Variants in CDH13 observed in about 807,000 individuals in gnomAD.
CDH13 encodes cadherin 13, also known as cadherin-13.
In CDH13, 24 loss-of-function variants were observed where a neutral mutation model predicts 63.8. That is an observed-to-expected ratio of 0.38 (90% CI 0.27 to 0.53). The LOEUF is 0.53. CDH13 is among the 20% of genes least tolerant of loss of function. The pLI, the probability that CDH13 is intolerant of heterozygous loss-of-function variation, is 0.85. For synonymous variants in CDH13, 503 were observed against 355.3 expected (o/e 1.42, Z -4.67); for missense variants, 1,049 against 903.1 (o/e 1.16, Z -2.07).
chr16:83,796,882 A>C lies in CDH13; in HGVS notation c.*1852A>C, dbSNP rs1272179050. On this transcript the variant is annotated 3_prime_UTR_variant, in exon 14 of 14. Transcript: ENST00000567109. ...TTCTCAGTTGATGACCACATTAAGC[A>C]TAGTCATGGCCATCTGTCAACAGTC... 2.6e-5 allele frequency: 4 copies of C among 152,236 alleles called. No individual in the cohort carries two copies. Among genetic ancestry groups the C allele is most frequent in the Non-Finnish European group, 5.9e-5 (4 of 68,044 alleles). 9.4% of individuals were successfully genotyped at this position (152,236 alleles called of 1,614,324 possible).
At chr16:83,532,400 C>A (rs530046721) in intron 7 of CDH13, among the ~76,000 whole-genome samples, 2 of 152,284 alleles carry the variant, frequency 1.3e-5, no homozygotes, top group East Asian at 3.9e-4. Context: ...TAGTTTAATG[C>A]CCAGCACCTG....
At chr16:82,677,444 G>GA (rs1346038984) in intron 1 of CDH13, among the ~76,000 whole-genome samples, 1 of 75,362 alleles carries the variant, frequency 1.3e-5, no homozygotes, top group East Asian at 9.0e-4. Context: ...GGACTCTTCT[G>GA]CCTTTTTTTT....
At chr16:83,366,445 C>G (rs1027877368) in intron 6 of CDH13, among the ~76,000 whole-genome samples, 17 of 152,204 alleles carry the variant, frequency 1.1e-4, no homozygotes, top group African/African-American at 4.1e-4. Context: ...CCAGCCCACT[C>G]AGCTTTCAGA....
chr16:83,192,366 G>C (rs189667726), intron 4 of CDH13, among the ~76,000 whole-genome samples: 2 of 152,192 alleles, frequency 1.3e-5, no homozygotes, highest in African/African-American at 4.8e-5. Context: ...AGAATAAAGG[G>C]TCTTCTCCTG....
intron 7 of CDH13, among the ~76,000 whole-genome samples, chr16:83,542,983 G>A (rs2075321420): frequency 6.6e-6 from 1 of 152,218 alleles, no homozygotes; most frequent in South Asian, 2.1e-4. Flanking sequence ...ACAACAGCAA[G>A]TGATACTGAT....
At chr16:83,182,607 G>T (rs1416441260) in intron 4 of CDH13, among the ~76,000 whole-genome samples, 3 of 152,198 alleles carry the variant, frequency 2.0e-5, no homozygotes, top group African/African-American at 7.2e-5. Flanking sequence ...TGATCAAAAG[G>T]ATTGTGTTTA....
intron 1 of CDH13, among the ~76,000 whole-genome samples, chr16:82,649,231 C>T (rs774265603): frequency 5.3e-5 from 8 of 152,064 alleles, no homozygotes; most frequent in Non-Finnish European, 1.0e-4. Flanking sequence ...TCCAAGGTCA[C>T]ACAGGGTCCA....
intron 3 of CDH13, among the ~76,000 whole-genome samples, chr16:83,099,170 T>C (rs2034352311): frequency 6.6e-6 from 1 of 152,150 alleles, no homozygotes; most frequent in South Asian, 2.1e-4. Flanking sequence ...ATTTAATATG[T>C]TGCATATATT....
chr16:82,939,202 T>A (rs1359102311), intron 2 of CDH13, among the ~76,000 whole-genome samples: 1 of 152,120 alleles, frequency 6.6e-6, no homozygotes, highest in Non-Finnish European at 1.5e-5. Flanking sequence ...GGCAGATGGA[T>A]CACCTGAGCT....
intron 5 of CDH13, among the ~76,000 whole-genome samples, chr16:83,262,206 G>C (rs903790219): frequency 3.3e-5 from 5 of 152,172 alleles, no homozygotes; most frequent in Admixed American, 1.3e-4. Flanking sequence ...ACCTGGGCAT[G>C]AGGTTTAGCT....
chr16:83,360,515 T>C (rs555242598), intron 6 of CDH13, among the ~76,000 whole-genome samples: 117 of 152,224 alleles, frequency 7.7e-4, no homozygotes, highest in Non-Finnish European at 1.5e-3. Flanking sequence ...GCTTATTGTA[T>C]GGATATATTG....
At chr16:82,693,565 T>C (rs2029894521) in intron 1 of CDH13, among the ~76,000 whole-genome samples, 1 of 152,192 alleles carries the variant, frequency 6.6e-6, no homozygotes, top group African/African-American at 2.4e-5. Context: ...TTTTCCTACA[T>C]TAAACCCTGT....
rs74867982 is a variant in CDH13, at chr16:83,029,259, T to C, written c.158-2751T>C. Reference sequence around the variant, plus strand: ...AGATATTTATATGGCTTTCACAGTGTGCTAGGACCTATGTAGATGAGCTTA... The same window carrying C: ...AGATATTTATATGGCTTTCACAGTGCGCTAGGACCTATGTAGATGAGCTTA... On this transcript the variant is annotated intron_variant, in intron 2 of 13. Transcript: ENST00000567109. Among the ~76,000 whole-genome samples, 1,099 of 152,314 alleles carry C rather than the reference T, an allele frequency of 7.2e-3. 4 individuals are homozygous for C. The highest frequency in any genetic ancestry group is 0.012 in the Admixed American group (191 of 15,304).
chr16:83,561,320 G>A (rs1477200064), intron 7 of CDH13, among the ~76,000 whole-genome samples: 1 of 151,670 alleles, frequency 6.6e-6, no homozygotes, highest in African/African-American at 2.4e-5. Flanking sequence ...GTGACGCATG[G>A]GAGGCTGAGG....
chr16:82,686,038 A>AT (rs1567626174), intron 1 of CDH13, among the ~76,000 whole-genome samples: 2 of 152,030 alleles, frequency 1.3e-5, no homozygotes, highest in African/African-American at 2.4e-5. Flanking sequence ...GTGAATTACA[A>AT]TTTTTTCTCC....
intron 7 of CDH13, among the ~76,000 whole-genome samples, chr16:83,530,726 G>A (rs1465989763): frequency 2.0e-5 from 3 of 152,178 alleles, no homozygotes; most frequent in African/African-American, 7.2e-5. Flanking sequence ...TTCACAGAGG[G>A]ACAGTGACTT....
intron 3 of CDH13, among the ~76,000 whole-genome samples, chr16:83,088,596 G>A (rs983709951): frequency 6.6e-6 from 1 of 152,090 alleles, no homozygotes; most frequent in South Asian, 2.1e-4. Context: ...ATAAAGTAAA[G>A]GTGTTATTAC....
At chr16:82,924,072 T>C (rs1169051115) in intron 2 of CDH13, among the ~76,000 whole-genome samples, 2 of 152,224 alleles carry the variant, frequency 1.3e-5, no homozygotes, top group African/African-American at 4.8e-5. Flanking sequence ...TCAATCAAAG[T>C]TGATGGAGAT....
intron 13 of CDH13, among the ~76,000 whole-genome samples, chr16:83,791,279 C>T (rs536831626): frequency 9.2e-5 from 14 of 152,270 alleles, no homozygotes; most frequent in African/African-American, 3.1e-4. Context: ...GGCCGATCAC[C>T]TGAGGTCAGG....
Sources: gnomAD v4.1 joint callset for allele counts (sites outside exome capture counted in the v4.1 genomes callset) on GRCh38, gnomAD v4.1.1 for gene constraint, MANE v1.5 for transcripts, NCBI Gene and HGNC (gene_info 2026-07-23, HGNC 2026-07-21) for gene names.